Variants in UNG observed in about 807,000 individuals in gnomAD.
UNG encodes the protein uracil-DNA glycosylase.
In UNG, 34 loss-of-function variants were observed where a neutral mutation model predicts 36.5. The observed-to-expected ratio is 0.93, with a 90% CI of 0.71 to 1.24. The LOEUF is 1.24. Ranked by LOEUF, UNG falls within the 50% of genes most tolerant of loss-of-function variation. The pLI, the probability that UNG is intolerant of heterozygous loss-of-function variation, is 0.00. For synonymous variants in UNG, 172 were observed against 157.8 expected, an observed-to-expected ratio of 1.09 and a Z score of -0.67; for missense variants, 391 against 397.6, an observed-to-expected ratio of 0.98 and a Z score of 0.14.
At chr12:109,109,727 G>T in intron 6 of UNG, 102 bp from the exon 7 acceptor site, 1 of 1,447,998 alleles carries the variant, frequency 6.9e-7, no homozygotes, top group Non-Finnish European at 9.4e-7. Context: ...AGGTTGCAGT[G>T]AGTCGAGATC....
chr12:109,100,426 TAGA>T (rs532904813), intron 3 of UNG, among the ~76,000 whole-genome samples: 29 of 152,272 alleles, frequency 1.9e-4, no homozygotes, highest in Admixed American at 1.0e-3. Flanking sequence ...TGAAATGACA[TAGA>T]AGTGAAATAG....
chr12:109,109,784 T>TC, intron 6 of UNG, 45 bp from the exon 7 acceptor site: 2 of 1,496,388 alleles, frequency 1.3e-6, no homozygotes, highest in Non-Finnish European at 1.8e-6. Context: ...AAAAAAAATT[T>TC]AAAAAGTCCC....
intron 5 of UNG, 90 bp downstream of exon 5, chr12:109,103,017 T>A: frequency 2.0e-6 from 2 of 980,610 alleles, no homozygotes; most frequent in Admixed American, 4.0e-5. Context: ...AGTGGTGCAA[T>A]CTCAGCTTAC....
Position 109,098,535 on chromosome 12 carries a change from C to G in UNG, c.236C>G (p.Ala79Gly). 1.2e-6 allele frequency: 2 copies of G among 1,613,084 alleles called. No homozygotes were observed. The highest frequency in any genetic ancestry group is 1.7e-6 in the Non-Finnish European group (2 of 1,179,954). The part of the protein sequence containing the change: ...EQLDRIQRNK[A>G]AALLRLAARN... Reference sequence around the variant, plus strand: ...TTGGACCGGATCCAGAGGAACAAGGCCGCGGCCCTGCTCAGACTCGCGGCC... The same window carrying G: ...TTGGACCGGATCCAGAGGAACAAGGGCGCGGCCCTGCTCAGACTCGCGGCC... The change falls in exon 2 of 7, where the codon GCC (alanine) becomes GGC (glycine). Residue 79 changes from alanine to glycine, a missense_variant. Coordinates refer to ENST00000242576, the MANE Select transcript of UNG (RefSeq NM_080911.3).
In UNG at chr12:109,102,900, G is replaced by A. The variant is rs1316703723; in HGVS notation, c.595G>A (p.Gly199Arg). 1.2e-6 allele frequency: 2 copies of A among 1,612,314 alleles called. No individual in the cohort carries two copies. The highest frequency in any genetic ancestry group is 2.7e-5 in the African/African-American group (2 of 74,676). The change falls in exon 5 of 7, where the codon GGA becomes AGA. Residue 199 changes from glycine (G) to arginine (R), a missense_variant. By Grantham distance (125) the Gly-to-Arg change is moderately radical. Coordinates refer to ENST00000242576, the MANE Select transcript of UNG (RefSeq NM_080911.3). ...DIEDFVHPGHGDLSGWAKQGV... is the reference protein window; with the variant it reads ...DIEDFVHPGHRDLSGWAKQGV... ...AGAGGATTTTGTTCATCCTGGCCAT[G>A]GAGATTTATCTGGGTGGGCCAAGCA... is the stretch of plus-strand genomic sequence containing the variant.
chr12:109,108,388 C>CT (rs954820588), intron 6 of UNG, among the ~76,000 whole-genome samples: 1 of 152,124 alleles, frequency 6.6e-6, no homozygotes, highest in Non-Finnish European at 1.5e-5. Flanking sequence ...AATCCCAACA[C>CT]TTTGAGAGGC....
At chr12:109,107,194 G>A (rs1470070797) in intron 6 of UNG, among the ~76,000 whole-genome samples, 1 of 151,744 alleles carries the variant, frequency 6.6e-6, no homozygotes. Flanking sequence ...ATTAGGTGAT[G>A]TATGACTATT....
In UNG at chr12:109,103,366, T is replaced by C. The variant is rs2569987; in HGVS notation, c.623-67T>C. The C allele has an allele frequency of 0.15, 210,491 of 1,440,434 alleles. 17,380 individuals carry two copies. The highest frequency in any genetic ancestry group is 0.17 in the Non-Finnish European group (176,924 of 1,024,380). 89.2% of individuals were successfully genotyped at this position (1,440,434 alleles called of 1,614,324 possible). A position where few individuals can be genotyped will look rare whatever the true frequency, so the allele number is the denominator to read the frequency against. ...GCATTGGTTTCATCATGGATTTAGC[T>C]CCTGTTGCTGGGTATTGGGCTGATT... On this transcript the variant is annotated intron_variant, in intron 5 of 6. Coordinates refer to ENST00000242576, the MANE Select transcript of UNG (RefSeq NM_080911.3).
At chr12:109,098,239 G>T (rs2042147413) in intron 1 of UNG, 193 bp from the exon 2 acceptor site, 1 of 1,490,390 alleles carries the variant, frequency 6.7e-7, no homozygotes, top group Non-Finnish European at 8.9e-7. Flanking sequence ...CCGTCTCCCC[G>T]CTCCAGTTTA....
intron 6 of UNG, among the ~76,000 whole-genome samples, chr12:109,104,137 C>T (rs1487324278): frequency 1.3e-5 from 2 of 152,026 alleles, no homozygotes; most frequent in Non-Finnish European, 2.9e-5. Flanking sequence ...CAACCTCCGC[C>T]TGCTGGGTTT....
In UNG at chr12:109,110,823, G is replaced by C. The variant is rs2042257748; in HGVS notation, c.*854G>C. On this transcript the variant is annotated 3_prime_UTR_variant, in exon 7 of 7. Coordinates refer to ENST00000242576, the MANE Select transcript of UNG (RefSeq NM_080911.3). ...CTGGAAAGTTTTAGTTTTTTAAGAA[G>C]TACTCATGCAGATATATATATATAT... 1 of 151,684 alleles carries C rather than the reference G, an allele frequency of 6.6e-6. No individual in the cohort carries two copies. Among genetic ancestry groups the C allele is most frequent in the African/African-American group, 2.4e-5 (1 of 41,228 alleles). The allele number at this position is 151,684 out of a possible 1,614,324, so 9.4% of individuals were successfully genotyped here. A position where few individuals can be genotyped will look rare whatever the true frequency, so the allele number is the denominator to read the frequency against.
At chr12:109,105,048 G>C (rs1012944273) in intron 6 of UNG, 2 of 152,118 alleles carry the variant, frequency 1.3e-5, no homozygotes, top group African/African-American at 4.8e-5. Context: ...GAGTAGCTAG[G>C]ATTACAGTTG....
chr12:109,103,451 C>T lies in UNG; in HGVS notation c.641C>T (p.Ala214Val), dbSNP rs764841326. Reference sequence around the variant, plus strand: ...TGTATAGGTGTTCTCCTTCTCAACGCTGTCCTCACGGTTCGTGCCCATCAA... The same window carrying T: ...TGTATAGGTGTTCTCCTTCTCAACGTTGTCCTCACGGTTCGTGCCCATCAA... Reference protein sequence around the residue: ...WAKQGVLLLNAVLTVRAHQAN... With the variant: ...WAKQGVLLLNVVLTVRAHQAN... The change falls in exon 6 of 7, where the codon GCT becomes GTT. Residue 214 changes from alanine to valine, a missense_variant. By Grantham distance (64) the Ala-to-Val change is moderately conservative (BLOSUM62 0). Coordinates refer to ENST00000242576, the MANE Select transcript of UNG (RefSeq NM_080911.3). 6 of 1,614,040 alleles carry T rather than the reference C, an allele frequency of 3.7e-6. No homozygotes were observed. The highest frequency in any genetic ancestry group is 5.1e-6 in the Non-Finnish European group (6 of 1,180,032).
At chr12:109,099,091 A>G (rs1188302043) in intron 2 of UNG, 98 bp from the exon 3 acceptor site, 6 of 1,147,378 alleles carry the variant, frequency 5.2e-6, no homozygotes, top group Non-Finnish European at 2.6e-6. Flanking sequence ...ACAAAGAACT[A>G]ATGATGTTCC....
In UNG at chr12:109,101,927, A is replaced by AT. The variant is rs746388090; in HGVS notation, c.462dup (p.Pro155SerfsTer6). The AT allele has an allele frequency of 2.5e-6, 4 of 1,614,038 alleles. No individual in the cohort carries two copies. The highest frequency in any genetic ancestry group is 2.5e-6 in the Non-Finnish European group (3 of 1,179,978). The stretch of plus-strand genomic sequence containing the variant: ...GTGAAGGTTGTCATCCTGGGACAGG[A>AT]TCCATATCATGGACCTAATCAAGCT... On this transcript the variant is annotated frameshift_variant, in exon 4 of 7. Coordinates refer to ENST00000242576, the MANE Select transcript of UNG (RefSeq NM_080911.3). LOFTEE classifies it high-confidence loss of function.
At chr12:109,099,109 T>C (rs959415305) in intron 2 of UNG, 80 bp from the exon 3 acceptor site, 77 of 1,319,536 alleles carry the variant, frequency 5.8e-5, no homozygotes, top group Middle Eastern at 2.5e-4. Context: ...TCCAAATAAC[T>C]TGCACTAGAA....
chr12:109,099,787 G>C (rs987258987), intron 3 of UNG, among the ~76,000 whole-genome samples: 1 of 152,188 alleles, frequency 6.6e-6, no homozygotes, highest in Non-Finnish European at 1.5e-5. Context: ...GTGTTCAGAA[G>C]TTCGTGGGGC....
rs1395194695 is a variant in UNG at position 109,109,859 on chromosome 12, C to T, written c.832C>T (p.Pro278Ser). ...GCACCATGTACTACAGACGGCTCAT[C>T]CCTCCCCTTTGTCAGTGTATAGAGG... ...KRHHVLQTAH[P>S]SPLSVYRGFF... The change falls in exon 7 of 7, where the codon CCC becomes TCC. Residue 278 changes from proline to serine, a missense_variant. Transcript: ENST00000242576. 2 of 1,613,990 alleles carry T rather than the reference C, an allele frequency of 1.2e-6. No homozygotes were observed. The highest frequency in any genetic ancestry group is 2.2e-5 in the South Asian group (2 of 91,064).
chr12:109,102,811 T>G, intron 4 of UNG, 28 bp from the exon 5 acceptor site: 1 of 1,573,416 alleles, frequency 6.4e-7, no homozygotes, highest in South Asian at 1.1e-5. Flanking sequence ...AGATTCTGTT[T>G]TTTGTTTTTC....
Sources: gnomAD v4.1 joint callset for allele counts (sites outside exome capture counted in the v4.1 genomes callset) on GRCh38, gnomAD v4.1.1 for gene constraint, MANE v1.5 for transcripts, NCBI Gene and HGNC (gene_info 2026-07-23, HGNC 2026-07-21) for gene names.